CDH23: variants seen among roughly 807,000 people sequenced by gnomAD.
CDH23 encodes the protein cadherin related 23, also known as cadherin-23.
In CDH23, 189 loss-of-function variants were observed where a neutral mutation model predicts 317.1. The ratio of observed to expected loss-of-function variants is 0.60; its 90% CI spans 0.53 to 0.67. The LOEUF (loss-of-function observed/expected upper bound fraction) is 0.67, where lower values mean the gene tolerates loss of function less well. CDH23 is among the 30% of genes least tolerant of loss of function. The pLI is 0.00. For synonymous variants in CDH23, 1,839 were observed against 1,876.8 expected (o/e 0.98, Z 0.52); for missense variants, 4,401 against 4,592.4 (o/e 0.96, Z 1.20).
Position 71,694,145 on chromosome 10 carries a change from A to G in CDH23, c.2177-2A>G, listed in dbSNP as rs1377982927. 5 of 1,612,704 alleles carry G rather than the reference A, an allele frequency of 3.1e-6. No homozygotes were observed. Among genetic ancestry groups the G allele is most frequent in the Non-Finnish European group, 4.2e-6 (5 of 1,179,298 alleles). On this transcript the variant is annotated splice_acceptor_variant, in intron 20 of 69. Transcript: ENST00000224721. LOFTEE classifies it high-confidence loss of function. ...TCACGCACCCACTTCTCTCTCTGGC[A>G]GGGGAAATCACCACCACGTCTCTGC...
At chr10:71,480,368 A>G (rs145916422) in intron 3 of CDH23, among the ~76,000 whole-genome samples, 1 of 152,362 alleles carries the variant, frequency 6.6e-6, no homozygotes, top group East Asian at 1.9e-4. Context: ...GTACTCTGGG[A>G]GGACAGTGGT....
intron 6 of CDH23, among the ~76,000 whole-genome samples, chr10:71,515,479 C>T (rs546782820): frequency 6.6e-6 from 1 of 151,002 alleles, no homozygotes; most frequent in Non-Finnish European, 1.5e-5. Flanking sequence ...CTCAACTCTG[C>T]CTGTCGTTCA....
chr10:71,608,040 G>C (rs1203966427), intron 9 of CDH23, among the ~76,000 whole-genome samples: 3 of 152,346 alleles, frequency 2.0e-5, no homozygotes, highest in Non-Finnish European at 4.4e-5. Context: ...AGCCTGGTGA[G>C]GTAGGAGTTG....
rs143327998 is a variant in CDH23 at position 71,529,969 on chromosome 10, G to A, written c.429+18757G>A. Among the ~76,000 whole-genome samples the A allele has an allele frequency of 9.2e-4, 139 of 151,388 alleles. 2 individuals carry two copies. The East Asian group carries it at 0.024, about 26-fold the overall frequency. On this transcript the variant is annotated intron_variant, in intron 6 of 69. Transcript: ENST00000224721. ...AGCCTGCAGCTTACCCCTCTCTGAGGTCCACTTGTAACTCCCTCTGGGGCT... is the reference window on the plus strand; with the variant it reads ...AGCCTGCAGCTTACCCCTCTCTGAGATCCACTTGTAACTCCCTCTGGGGCT...
chr10:71,611,765 A>G (rs1860911042), intron 9 of CDH23, among the ~76,000 whole-genome samples: 1 of 152,192 alleles, frequency 6.6e-6, no homozygotes, highest in African/African-American at 2.4e-5. Context: ...CAGGGGCCTT[A>G]GCTCAGCGAG....
At chr10:71,776,796 C>T (rs545791539) in intron 38 of CDH23, among the ~76,000 whole-genome samples, 1 of 152,382 alleles carries the variant, frequency 6.6e-6, no homozygotes, top group African/African-American at 2.4e-5. Flanking sequence ...ACACCCCCGC[C>T]TCTTTCTCCC....
At chr10:71,549,068 C>A (rs1244203060) in intron 6 of CDH23, among the ~76,000 whole-genome samples, 2 of 152,224 alleles carry the variant, frequency 1.3e-5, no homozygotes, top group Non-Finnish European at 2.9e-5. Flanking sequence ...GGGGAGGGGC[C>A]AGAGCCCCCA....
chr10:71,566,609 T>A, intron 6 of CDH23, 133 bp from the exon 7 acceptor site: 1 of 748,186 alleles, frequency 1.3e-6, no homozygotes. Flanking sequence ...GGGCCCCTCC[T>A]AGAATGAAAA....
intron 6 of CDH23, among the ~76,000 whole-genome samples, chr10:71,552,692 G>C (rs1447131711): frequency 6.6e-6 from 1 of 152,188 alleles, no homozygotes; most frequent in African/African-American, 2.4e-5. Context: ...AGTGCGGAGT[G>C]ATGTGGTTCT....
intron 1 of CDH23, among the ~76,000 whole-genome samples, chr10:71,410,970 T>A (rs1262592805): frequency 6.6e-6 from 1 of 152,242 alleles, no homozygotes; most frequent in East Asian, 1.9e-4. Flanking sequence ...TACATATAGG[T>A]ATATGCAATT....
At chr10:71,782,693 G>C (rs1441997062) in intron 41 of CDH23, among the ~76,000 whole-genome samples, 1 of 152,248 alleles carries the variant, frequency 6.6e-6, no homozygotes, top group Non-Finnish European at 1.5e-5. Flanking sequence ...TTTGGAAGGA[G>C]AGCAAGAGGC....
chr10:71,800,690 C>G lies in CDH23; in HGVS notation c.7417C>G (p.Leu2473Val), dbSNP rs1486816666. 6.2e-7 allele frequency: 1 copy of G among 1,613,868 alleles called. No homozygotes were observed. Among genetic ancestry groups the G allele is most frequent in the Admixed American group, 1.7e-5 (1 of 60,002 alleles). The stretch of plus-strand genomic sequence containing the variant: ...CCGGGAGAAGAAGGACCACTATATC[C>G]TGACTGCCTTGGCCAAAGACAACCC... Reference protein sequence around the residue: ...LDREKKDHYILTALAKDNPGD... With the variant: ...LDREKKDHYIVTALAKDNPGD... Residue 2473 changes from leucine to valine, a missense_variant, in exon 53 of 70, where the codon CTG becomes GTG. Coordinates refer to ENST00000224721, the MANE Select transcript of CDH23 (RefSeq NM_022124.6).
chr10:71,490,210 T>C (rs545689999), intron 3 of CDH23, among the ~76,000 whole-genome samples: 1 of 152,364 alleles, frequency 6.6e-6, no homozygotes, highest in East Asian at 1.9e-4. Context: ...TTGATTTTTT[T>C]ATCAGCTCAT....
chr10:71,768,765 C>A (rs1416208956), intron 38 of CDH23, among the ~76,000 whole-genome samples: 1 of 152,244 alleles, frequency 6.6e-6, no homozygotes, highest in East Asian at 1.9e-4. Context: ...CAGGCATGAG[C>A]CACTGTGCTC....
At chr10:71,425,065 T>A (rs1184207599) in intron 1 of CDH23, among the ~76,000 whole-genome samples, 2 of 151,976 alleles carry the variant, frequency 1.3e-5, no homozygotes, top group African/African-American at 4.8e-5. Context: ...ATGGCTCTGC[T>A]TGGGGTGAGA....
rs747095097 is a variant in CDH23, at chr10:71,796,045, AGAG to A, written c.6713-1036_6713-1034del. On this transcript the variant is annotated intron_variant, in intron 48 of 69. Coordinates refer to ENST00000224721, the MANE Select transcript of CDH23 (RefSeq NM_022124.6). ...TGGGGGACAGGGAGCGAGAGTAGGAAGAGGAGGAGGAGGAGGAGGAGGAGGCGG... is the reference window on the plus strand; with the variant it reads ...TGGGGGACAGGGAGCGAGAGTAGGAAGAGGAGGAGGAGGAGGAGGAGGCGG... 0.018 allele frequency: 17,253 copies of A among 979,632 alleles called. 150 individuals are homozygous for A. Among genetic ancestry groups the A allele is most frequent in the Admixed American group, 0.019 (316 of 16,262 alleles). 60.7% of individuals were successfully genotyped at this position (979,632 alleles called of 1,614,324 possible).
chr10:71,642,664 T>C (rs947429289), intron 11 of CDH23, among the ~76,000 whole-genome samples: 2 of 151,548 alleles, frequency 1.3e-5, no homozygotes, highest in Non-Finnish European at 2.9e-5. Flanking sequence ...CTTCCCGACG[T>C]GCTGGGATTA....
intron 14 of CDH23, among the ~76,000 whole-genome samples, chr10:71,667,913 G>C (rs1863982736): frequency 6.6e-6 from 1 of 152,056 alleles, no homozygotes; most frequent in African/African-American, 2.4e-5. Flanking sequence ...GGGTGCCATG[G>C]GAAAAGCCCC....
intron 38 of CDH23, among the ~76,000 whole-genome samples, chr10:71,752,397 G>C (rs1389268529): frequency 6.6e-6 from 1 of 152,212 alleles, no homozygotes; most frequent in Non-Finnish European, 1.5e-5. Context: ...ACCTAGAGGA[G>C]CTTTGTGTTT....
Sources: gnomAD v4.1 joint callset for allele counts (sites outside exome capture counted in the v4.1 genomes callset) on GRCh38, gnomAD v4.1.1 for gene constraint, MANE v1.5 for transcripts, NCBI Gene and HGNC (gene_info 2026-07-23, HGNC 2026-07-21) for gene names.